The following ASPRV1 variants were observed in gnomAD, a reference collection of about 807,000 sequenced individuals.
The protein encoded by ASPRV1 is aspartic peptidase retroviral like 1, also known as retroviral-like aspartic protease 1.
In ASPRV1, 7 loss-of-function variants were observed where a neutral mutation model predicts 11.0. The observed-to-expected ratio is 0.64, with a 90% CI of 0.36 to 1.20. ASPRV1 has a LOEUF of 1.20. ASPRV1 is among the 50% of genes most tolerant of loss of function. The probability of loss-of-function intolerance (pLI) is 0.02; values close to 1 mark genes in which losing one functional copy is unlikely to be tolerated. For missense variants in ASPRV1, 299 were observed against 320.0 expected, an observed-to-expected ratio of 0.93 and a Z score of 0.50; for synonymous variants, 136 against 138.4, an observed-to-expected ratio of 0.98 and a Z score of 0.12.
the ASPRV1 span, among the ~76,000 whole-genome samples, chr2:70,038,684 G>A: frequency 6.6e-6 from 1 of 152,336 alleles, no homozygotes; most frequent in South Asian, 2.1e-4. Context: ...AAGAGTTTGA[G>A]AGAGTTAAAT....
chr2:70,018,539 A>T, the ASPRV1 span, among the ~76,000 whole-genome samples: 4 of 152,198 alleles, frequency 2.6e-5, no homozygotes, highest in Non-Finnish European at 5.9e-5. Flanking sequence ...ACAAAGCTGT[A>T]GTAACCAAAA....
chr2:69,933,218 A>AAAAAAAC, the ASPRV1 span, among the ~76,000 whole-genome samples: 1 of 151,218 alleles, frequency 6.6e-6, no homozygotes, highest in Admixed American at 6.6e-5. Context: ...AAAAAAAAAA[A>AAAAAAAC]AAAAAACAAA....
At chr2:70,082,621 A>G in the ASPRV1 span, among the ~76,000 whole-genome samples, 5 of 152,188 alleles carry the variant, frequency 3.3e-5, no homozygotes, top group African/African-American at 1.2e-4. Flanking sequence ...GAGGCAGGAG[A>G]ATCGCTTGAA....
At chr2:69,998,351 T>TA in the ASPRV1 span, among the ~76,000 whole-genome samples, 14 of 145,850 alleles carry the variant, frequency 9.6e-5, no homozygotes, top group Non-Finnish European at 7.6e-5. Flanking sequence ...AAAAGTCACT[T>TA]AAAAAAAAAA....
At position 69,960,614 on chromosome 2, in the gene ASPRV1, G is replaced by A; in HGVS notation, c.*43C>T. The A allele has an allele frequency of 1.3e-6, 2 of 1,563,184 alleles. No homozygotes were observed. Among genetic ancestry groups the A allele is most frequent in the Non-Finnish European group, 1.7e-6 (2 of 1,156,234 alleles). On this transcript the variant is annotated 3_prime_UTR_variant, in exon 1 of 1. Transcript: ENST00000320256. ...TATGCAACCCCCCCCACAGCGGTGG[G>A]TCTTCCCACCAATATTTAGGAGGTT...
chr2:69,943,137 T>C, the ASPRV1 span, among the ~76,000 whole-genome samples: 4 of 152,168 alleles, frequency 2.6e-5, no homozygotes, highest in African/African-American at 9.7e-5. Flanking sequence ...TGATCAGAAT[T>C]AGCCACAGTC....
the ASPRV1 span, chr2:69,988,903 C>G: frequency 1.4e-5 from 6 of 417,112 alleles, no homozygotes; most frequent in Non-Finnish European, 2.5e-5. Flanking sequence ...AATCTCTGTA[C>G]CCAGAACGGC....
chr2:70,037,618 C>T, the ASPRV1 span, among the ~76,000 whole-genome samples: 2 of 149,288 alleles, frequency 1.3e-5, no homozygotes. Flanking sequence ...ATGACTTTGG[C>T]CCATTTTTTT....
chr2:69,941,899 G>A, the ASPRV1 span: 1 of 151,156 alleles, frequency 6.6e-6, no homozygotes, highest in Non-Finnish European at 1.5e-5. Flanking sequence ...TTATTATTTA[G>A]GTTTTTATAC....
the ASPRV1 span, among the ~76,000 whole-genome samples, chr2:69,987,630 G>A: frequency 1.3e-5 from 2 of 151,206 alleles, no homozygotes; most frequent in Non-Finnish European, 2.9e-5. Flanking sequence ...CATGCCTGTA[G>A]TCCCAGCTAC....
upstream of ASPRV1, among the ~76,000 whole-genome samples, chr2:69,965,456 A>T (rs1232776352): frequency 7.0e-6 from 1 of 143,356 alleles, no homozygotes; most frequent in Non-Finnish European, 1.5e-5. Context: ...AAAAAAAACA[A>T]AAACAAAAAC....
chr2:70,037,262 T>C, the ASPRV1 span, among the ~76,000 whole-genome samples: 2 of 152,202 alleles, frequency 1.3e-5, no homozygotes, highest in Non-Finnish European at 2.9e-5. Flanking sequence ...CTTGGCATAA[T>C]CAGTGACTTG....
At chr2:70,021,447 C>G in the ASPRV1 span, among the ~76,000 whole-genome samples, 1 of 150,858 alleles carries the variant, frequency 6.6e-6, no homozygotes, top group Non-Finnish European at 1.5e-5. Flanking sequence ...GCCTTCCCAG[C>G]AGCTAGGACT....
the ASPRV1 span, among the ~76,000 whole-genome samples, chr2:69,945,472 T>C: frequency 6.6e-6 from 1 of 152,186 alleles, no homozygotes; most frequent in Non-Finnish European, 1.5e-5. Context: ...TCTGGAGTCA[T>C]TGCCTCTGCG....
chr2:70,008,249 G>C, the ASPRV1 span, among the ~76,000 whole-genome samples: 4 of 151,836 alleles, frequency 2.6e-5, no homozygotes. Flanking sequence ...TTTTTAAGTG[G>C]CAGAATATGA....
chr2:70,016,322 G>A, the ASPRV1 span: 3 of 152,038 alleles, frequency 2.0e-5, no homozygotes, highest in Admixed American at 2.0e-4. Flanking sequence ...GCCAGACAAG[G>A]ACACTACAAG....
the ASPRV1 span, chr2:70,070,620 G>C: frequency 6.6e-6 from 1 of 151,816 alleles, no homozygotes; most frequent in Non-Finnish European, 1.5e-5. Flanking sequence ...GCAAAATCCT[G>C]TCTCTACTAA....
At chr2:70,024,815 T>C in the ASPRV1 span, among the ~76,000 whole-genome samples, 1 of 152,076 alleles carries the variant, frequency 6.6e-6, no homozygotes, top group South Asian at 2.1e-4. Context: ...TAGGTGGAGT[T>C]CTAAGGCCTA....
chr2:69,945,002 C>T, the ASPRV1 span, among the ~76,000 whole-genome samples: 1 of 152,142 alleles, frequency 6.6e-6, no homozygotes, highest in Non-Finnish European at 1.5e-5. Flanking sequence ...TTTGACTCAC[C>T]TCTTCGATGT....
Sources: gnomAD v4.1 joint callset for allele counts (sites outside exome capture counted in the v4.1 genomes callset) on GRCh38, gnomAD v4.1.1 for gene constraint, MANE v1.5 for transcripts, NCBI Gene and HGNC (gene_info 2026-07-23, HGNC 2026-07-21) for gene names.